SH2B3: variants seen among roughly 807,000 people sequenced by gnomAD.
SH2B3 encodes SH2B adapter protein 3.
Under a neutral mutation model 51.9 loss-of-function variants are expected in SH2B3, and 43 were observed. The ratio of observed to expected loss-of-function variants is 0.83; its 90% CI spans 0.65 to 1.07. SH2B3 has a LOEUF of 1.07. Ranked by LOEUF, SH2B3 falls within the 50% of genes least tolerant of loss-of-function variation. The probability of loss-of-function intolerance (pLI) is 0.00; values close to 1 mark genes in which losing one functional copy is unlikely to be tolerated. For synonymous variants in SH2B3, 396 were observed against 376.0 expected (o/e 1.05, Z -0.62); for missense variants, 952 against 834.3 (o/e 1.14, Z -1.74).
Position 111,450,401 on chromosome 12 carries a change from T to C in SH2B3, c.*2099T>C, listed in dbSNP as rs1287410054. 6.6e-6 allele frequency: 1 copy of C among 152,246 alleles called. No homozygotes were observed. Among genetic ancestry groups the C allele is most frequent in the African/African-American group, 2.4e-5 (1 of 41,466 alleles). The allele number at this position is 152,246 out of a possible 1,614,324, so 9.4% of individuals were successfully genotyped here. The stretch of plus-strand genomic sequence containing the variant: ...TGAACCAAAAGAGTAAGTAAGAGTC[T>C]GAAGTTTTTTTAAAGGAGAAAGCTT... On this transcript the variant is annotated 3_prime_UTR_variant, in exon 8 of 8. Coordinates refer to ENST00000341259, the MANE Select transcript of SH2B3 (RefSeq NM_005475.3).
chr12:111,427,767 G>A (rs1041939336), intron 2 of SH2B3, among the ~76,000 whole-genome samples: 3 of 152,240 alleles, frequency 2.0e-5, no homozygotes, highest in South Asian at 2.1e-4. Flanking sequence ...AGGACATGAT[G>A]GAGTTCTAGC....
intron 2 of SH2B3, among the ~76,000 whole-genome samples, chr12:111,423,715 G>C (rs1228966007): frequency 1.3e-5 from 2 of 152,212 alleles, no homozygotes; most frequent in African/African-American, 4.8e-5. Flanking sequence ...GGGCGCAGTG[G>C]CTCATGCCAG....
chr12:111,425,470 A>C (rs1382774585), intron 2 of SH2B3, among the ~76,000 whole-genome samples: 1 of 152,030 alleles, frequency 6.6e-6, no homozygotes, highest in Non-Finnish European at 1.5e-5. Context: ...AGGCTGAGGA[A>C]TGGCAGGTTC....
intron 1 of SH2B3, among the ~76,000 whole-genome samples, chr12:111,415,837 G>A (rs1189614833): frequency 6.6e-6 from 1 of 152,052 alleles, no homozygotes; most frequent in Non-Finnish European, 1.5e-5. Flanking sequence ...GGCCAGGCTG[G>A]TTTCGAATTC....
intron 2 of SH2B3, chr12:111,444,092 A>G (rs7305955): frequency 0.1 from 15,709 of 152,208 alleles, 2,708 homozygotes; most frequent in African/African-American, 0.36. Context: ...CTACTGCGGA[A>G]GCTGAGGCAG....
At chr12:111,421,436 G>T (rs1308736915) in intron 2 of SH2B3, among the ~76,000 whole-genome samples, 6 of 125,688 alleles carry the variant, frequency 4.8e-5, no homozygotes, top group Middle Eastern at 6.2e-3. Flanking sequence ...TTGAGACAAG[G>T]TCTCGCTCTG....
In SH2B3 at chr12:111,448,341, G is replaced by C; in HGVS notation, c.*39G>C. ...CCAGGCCTCAACAGCTGCCCTTGAG[G>C]AGCACAGGCAGAAGTGTGAACTTGT... On this transcript the variant is annotated 3_prime_UTR_variant, in exon 8 of 8. Coordinates refer to ENST00000341259, the MANE Select transcript of SH2B3 (RefSeq NM_005475.3). 1.4e-6 allele frequency: 2 copies of C among 1,411,002 alleles called. No homozygotes were observed. Among genetic ancestry groups the C allele is most frequent in the South Asian group, 2.5e-5 (2 of 80,256 alleles). 87.4% of individuals were successfully genotyped at this position (1,411,002 alleles called of 1,614,324 possible). A position where few individuals can be genotyped will look rare whatever the true frequency, so the allele number is the denominator to read the frequency against.
chr12:111,408,752 C>T (rs1452713166), intron 1 of SH2B3, among the ~76,000 whole-genome samples: 1 of 152,080 alleles, frequency 6.6e-6, no homozygotes, highest in Non-Finnish European at 1.5e-5. Context: ...CCTTTGGGAC[C>T]CAGTTTACAT....
At chr12:111,445,423 C>T (rs544303364) in intron 2 of SH2B3, among the ~76,000 whole-genome samples, 22 of 152,328 alleles carry the variant, frequency 1.4e-4, no homozygotes, top group African/African-American at 5.1e-4. Context: ...GTCCAGTGCC[C>T]GTGTGGATGC....
At position 111,451,564 on chromosome 12, in the gene SH2B3, C is replaced by T. The variant is rs553830246; in HGVS notation, c.*3262C>T. 1 of 152,714 alleles carries T rather than the reference C, an allele frequency of 6.5e-6. No homozygotes were observed. Among genetic ancestry groups the T allele is most frequent in the South Asian group, 2.1e-4 (1 of 4,830 alleles). 9.5% of individuals were successfully genotyped at this position (152,714 alleles called of 1,614,324 possible). On this transcript the variant is annotated 3_prime_UTR_variant, in exon 8 of 8. Transcript: ENST00000341259. ...ACAAGTAACTTATTCTTGAATAATGCAAATTTTGCTATAATGTACAAATTG... is the reference window on the plus strand; with the variant it reads ...ACAAGTAACTTATTCTTGAATAATGTAAATTTTGCTATAATGTACAAATTG...
At chr12:111,445,316 A>G (rs1463011856) in intron 2 of SH2B3, among the ~76,000 whole-genome samples, 4 of 152,110 alleles carry the variant, frequency 2.6e-5, no homozygotes, top group Admixed American at 2.0e-4. Flanking sequence ...CTCGCACCTT[A>G]CCCATCTTGC....
Position 111,434,999 on chromosome 12 carries a change from CTCT to C in SH2B3, c.733-11747_733-11745del, listed in dbSNP as rs571905095. 1,316 of 1,535,512 alleles carry C rather than the reference CTCT, an allele frequency of 8.6e-4. 2 individuals carry two copies. Among genetic ancestry groups the C allele is most frequent in the Non-Finnish European group, 1.1e-3 (1,249 of 1,146,786 alleles). ...CCACCCCAGAAGCCCTTGCTCTCACCTCTTCTTCTGAATCATCGTTCTTCGAAG... is the reference window on the plus strand; with the variant it reads ...CCACCCCAGAAGCCCTTGCTCTCACCTCTTCTGAATCATCGTTCTTCGAAG... On this transcript the variant is annotated intron_variant, in intron 2 of 7. Coordinates refer to ENST00000341259, the MANE Select transcript of SH2B3 (RefSeq NM_005475.3).
chr12:111,429,595 A>G lies in SH2B3; in HGVS notation c.732+10718A>G, dbSNP rs976394248. Among the ~76,000 whole-genome samples the G allele has an allele frequency of 6.6e-6, 1 of 152,136 alleles. No individual in the cohort carries two copies. Among genetic ancestry groups the G allele is most frequent in the Non-Finnish European group, 1.5e-5 (1 of 68,010 alleles). ...GCTGTCCATCTGCCTCGGCCTCCCA[A>G]AGTGCTAGGATTACAGGCGTGAGCT... On this transcript the variant is annotated intron_variant, in intron 2 of 7. Transcript: ENST00000341259. The surrounding 1 kb of genome is among the most constrained non-coding windows in gnomAD (Gnocchi z 4.4).
chr12:111,412,039 G>C (rs1026888748), intron 1 of SH2B3, among the ~76,000 whole-genome samples: 10 of 152,164 alleles, frequency 6.6e-5, no homozygotes, highest in African/African-American at 2.4e-4. Context: ...TGGGATAGAA[G>C]TGTCCCAAAG....
Position 111,449,791 on chromosome 12 carries a change from G to GGACT in SH2B3, c.*1495_*1498dup, listed in dbSNP as rs1176857768. On this transcript the variant is annotated 3_prime_UTR_variant, in exon 8 of 8. Coordinates refer to ENST00000341259, the MANE Select transcript of SH2B3 (RefSeq NM_005475.3). Reference sequence around the variant, plus strand: ...ATGAAACCTCAGCCTAAAACTCATAGGACTGACTGCCTGGGAGGAGGGTTA... The same window carrying GGACT: ...ATGAAACCTCAGCCTAAAACTCATAGGACTGACTGACTGCCTGGGAGGAGGGTTA... 1 of 152,194 alleles carries GGACT rather than the reference G, an allele frequency of 6.6e-6. No individual in the cohort carries two copies. Among genetic ancestry groups the GGACT allele is most frequent in the African/African-American group, 2.4e-5 (1 of 41,434 alleles). 9.4% of individuals were successfully genotyped at this position (152,194 alleles called of 1,614,324 possible).
At chr12:111,423,060 G>A (rs1232447838) in intron 2 of SH2B3, among the ~76,000 whole-genome samples, 2 of 152,166 alleles carry the variant, frequency 1.3e-5, no homozygotes, top group African/African-American at 4.8e-5. Context: ...GAACAGCATG[G>A]GCAGAGACCC....
In SH2B3 at chr12:111,409,445, T is replaced by C. The variant is rs1227248160; in HGVS notation, c.-28+3168T>C. The stretch of plus-strand genomic sequence containing the variant: ...AGGGCCCGCGGGCGTTCAGCATCTT[T>C]GACGAGGCAGGGCAGGAAGCCGCTG... On this transcript the variant is annotated intron_variant, in intron 1 of 7. Transcript: ENST00000341259. This position sits in a 1 kb window ranked among gnomAD's most constrained non-coding sequence, Gnocchi z 4.0. Among the ~76,000 whole-genome samples, 1 of 152,198 alleles carries C rather than the reference T, an allele frequency of 6.6e-6. No homozygotes were observed. Among genetic ancestry groups the C allele is most frequent in the East Asian group, 1.9e-4 (1 of 5,192 alleles).
Position 111,450,040 on chromosome 12 carries a change from C to T in SH2B3, c.*1738C>T, listed in dbSNP as rs1874436952. On this transcript the variant is annotated 3_prime_UTR_variant, in exon 8 of 8. Transcript: ENST00000341259. ...CTTCCTGGTTCAAGCGATTCTGCCT[C>T]GACCTCTCAAGTAGCTGGGATTACA... 6.6e-6 allele frequency: 1 copy of T among 151,986 alleles called. No individual in the cohort carries two copies. The highest frequency in any genetic ancestry group is 2.1e-4 in the South Asian group (1 of 4,822). 9.4% of individuals were successfully genotyped at this position (151,986 alleles called of 1,614,324 possible). A position where few individuals can be genotyped will look rare whatever the true frequency, so the allele number is the denominator to read the frequency against.
rs1189797159 is a variant in SH2B3 at position 111,451,420 on chromosome 12, T to C, written c.*3118T>C. 6.6e-6 allele frequency: 1 copy of C among 152,642 alleles called. No individual in the cohort carries two copies. The highest frequency in any genetic ancestry group is 6.6e-5 in the Admixed American group (1 of 15,258). 9.5% of individuals were successfully genotyped at this position (152,642 alleles called of 1,614,324 possible). Reference sequence around the variant, plus strand: ...GCGAGTATATTAACAAGGACACATCTGACATCCTGTGTTTGGTTAGAATAT... The same window carrying C: ...GCGAGTATATTAACAAGGACACATCCGACATCCTGTGTTTGGTTAGAATAT... On this transcript the variant is annotated 3_prime_UTR_variant, in exon 8 of 8. Coordinates refer to ENST00000341259, the MANE Select transcript of SH2B3 (RefSeq NM_005475.3).
Sources: allele counts gnomAD v4.1 joint callset (sites outside exome capture counted in the v4.1 genomes callset), GRCh38; gene constraint gnomAD v4.1.1; non-coding constraint Gnocchi (gnomAD v3.1); transcripts MANE v1.5; gene names NCBI Gene and HGNC (gene_info 2026-07-23, HGNC 2026-07-21).